BSN: variants seen among roughly 807,000 people sequenced by gnomAD.
BSN encodes protein bassoon.
In BSN, 57 loss-of-function variants were observed where a neutral mutation model predicts 264.8. The ratio of observed to expected loss-of-function variants is 0.22; its 90% confidence interval spans 0.17 to 0.27. BSN has a LOEUF of 0.27. Ranked by LOEUF, BSN falls within the 10% of genes least tolerant of loss-of-function variation. The pLI, the probability that BSN is intolerant of heterozygous loss-of-function variation, is 1.00. For missense variants in BSN, 4,615 were observed against 5,232.5 expected (o/e 0.88, Z 3.64); for synonymous variants, 2,059 against 2,137.3 (o/e 0.96, Z 1.01).
intron 1 of BSN, among the ~76,000 whole-genome samples, chr3:49,574,775 C>T (rs761315568): frequency 1.3e-5 from 2 of 151,606 alleles, no homozygotes; most frequent in Non-Finnish European, 2.9e-5. Context: ...GGACTACAGG[C>T]GTGTGCCACC....
intron 10 of BSN, 29 bp downstream of exon 10, chr3:49,664,882 C>A: frequency 1.5e-6 from 2 of 1,329,136 alleles, no homozygotes; most frequent in Non-Finnish European, 2.1e-6. Context: ...TACCTTGCCT[C>A]TTCTGGGAAA....
chr3:49,612,139 A>ATTT (rs10623266), intron 1 of BSN, among the ~76,000 whole-genome samples: 12,594 of 148,388 alleles, frequency 0.085, 786 homozygotes, highest in Non-Finnish European at 0.13. Context: ...ACAAAGAATG[A>ATTT]TTTTTTTTTT....
At chr3:49,650,571 C>A in intron 3 of BSN, 41 bp from the exon 4 acceptor site, 1 of 1,535,912 alleles carries the variant, frequency 6.5e-7, no homozygotes, top group Non-Finnish European at 8.8e-7. Flanking sequence ...ACTTCAGTGT[C>A]TTTTTAATTT....
At chr3:49,618,405 C>G (rs2052277914) in intron 1 of BSN, among the ~76,000 whole-genome samples, 1 of 152,212 alleles carries the variant, frequency 6.6e-6, no homozygotes, top group African/African-American at 2.4e-5. Context: ...TCTTGCCACA[C>G]AGACTATCTC....
At chr3:49,610,936 T>C (rs146090427) in intron 1 of BSN, among the ~76,000 whole-genome samples, 1 of 152,290 alleles carries the variant, frequency 6.6e-6, no homozygotes, top group Non-Finnish European at 1.5e-5. Flanking sequence ...GGCCTGTATC[T>C]CTCTTCCTGT....
chr3:49,621,871 C>T (rs1231587968), intron 1 of BSN, among the ~76,000 whole-genome samples: 1 of 152,062 alleles, frequency 6.6e-6, no homozygotes, highest in Admixed American at 6.5e-5. Flanking sequence ...GGCAACCTGG[C>T]AAGTCACCTT....
At chr3:49,565,296 C>G (rs1457996515) in intron 1 of BSN, among the ~76,000 whole-genome samples, 30 of 144,902 alleles carry the variant, frequency 2.1e-4, no homozygotes, top group Non-Finnish European at 4.2e-4. Flanking sequence ...CAGGCACCCA[C>G]CCACCACGCC....
intron 1 of BSN, among the ~76,000 whole-genome samples, chr3:49,578,410 G>GTT (rs35070088): frequency 0.1 from 15,362 of 149,278 alleles, 1,089 homozygotes; most frequent in South Asian, 0.14. Flanking sequence ...CAAAGCTACA[G>GTT]TTTTTTTTTT....
Position 49,656,160 on chromosome 3 carries a change from A to G in BSN, c.6604A>G (p.Ile2202Val). ...GMIYSTINTP[I>V]AATLPITTQP... ...GATCTACTCGACTATCAATACCCCA[A>G]TTGCTGCAACACTGCCCATCACCAC... The change falls in exon 5 of 12, where the codon ATT becomes GTT. Residue 2202 changes from isoleucine to valine, a missense_variant. Physicochemically the swap from Ile to Val is conservative, Grantham distance 29. This residue lies in a region of BSN where 3,415 missense variants were observed against 3,866.4 expected (regional missense o/e 0.88). Transcript: ENST00000296452. 1 of 1,612,972 alleles carries G rather than the reference A, an allele frequency of 6.2e-7. No individual in the cohort carries two copies. The highest frequency in any genetic ancestry group is 8.5e-7 in the Non-Finnish European group (1 of 1,179,920).
intron 1 of BSN, among the ~76,000 whole-genome samples, chr3:49,568,291 C>T (rs901230331): frequency 1.3e-5 from 2 of 152,068 alleles, no homozygotes; most frequent in African/African-American, 2.4e-5. Flanking sequence ...GAACAGAAAT[C>T]GATGGAAAGT....
intron 1 of BSN, among the ~76,000 whole-genome samples, chr3:49,617,301 AT>A (rs1416015042): frequency 4.4e-5 from 6 of 135,242 alleles, no homozygotes; most frequent in Admixed American, 1.5e-4. Context: ...ATATATATAT[AT>A]ATATATATAT....
chr3:49,662,219 C>A lies in BSN; in HGVS notation c.10374C>A (p.Asp3458Glu), dbSNP rs747314177. The A allele has an allele frequency of 6.2e-7, 1 of 1,613,682 alleles. No homozygotes were observed. Among genetic ancestry groups the A allele is most frequent in the Non-Finnish European group, 8.5e-7 (1 of 1,179,926 alleles). The change falls in exon 6 of 12, where the codon GAC becomes GAA. Residue 3458 changes from aspartate to glutamate, a missense_variant. By Grantham distance (45) the Asp-to-Glu change is conservative. Transcript: ENST00000296452. ...GTGGGGAGAAGCTGTCCAGCCACGA[C>A]TTCAGTGGCTGGGGCAAGGGGTACG... ...AYSGEKLSSH[D>E]FSGWGKGYER...
intron 1 of BSN, among the ~76,000 whole-genome samples, chr3:49,604,039 CTTGTT>C (rs891746163): frequency 1.3e-5 from 2 of 151,890 alleles, no homozygotes; most frequent in African/African-American, 2.4e-5. Flanking sequence ...TTTGTTTTAT[CTTGTT>C]TTGTTTTATT....
chr3:49,621,919 C>G (rs1362704439), intron 1 of BSN, among the ~76,000 whole-genome samples: 1 of 152,050 alleles, frequency 6.6e-6, no homozygotes, highest in African/African-American at 2.4e-5. Context: ...AGGAGTTTTG[C>G]TGTAAAGAAG....
At chr3:49,560,564 T>C (rs1017629209) in intron 1 of BSN, among the ~76,000 whole-genome samples, 2 of 152,216 alleles carry the variant, frequency 1.3e-5, no homozygotes, top group Non-Finnish European at 2.9e-5. Context: ...CTTTAGGACA[T>C]GAGGCCCTCT....
intron 1 of BSN, among the ~76,000 whole-genome samples, chr3:49,616,482 A>G (rs2052259899): frequency 6.6e-6 from 1 of 152,208 alleles, no homozygotes; most frequent in Admixed American, 6.5e-5. Flanking sequence ...GGCCACTCTG[A>G]CTTAGAGAAA....
intron 1 of BSN, among the ~76,000 whole-genome samples, chr3:49,605,625 AATATATATTAC>A (rs2052123272): frequency 2.9e-5 from 1 of 33,948 alleles, no homozygotes; most frequent in Non-Finnish European, 4.7e-5. Flanking sequence ...ATATAAATAT[AATATATATTAC>A]ATATATGTAA....
chr3:49,605,293 TTTATATA>T (rs1434727224), intron 1 of BSN, among the ~76,000 whole-genome samples: 1 of 101,272 alleles, frequency 9.9e-6, no homozygotes, highest in South Asian at 2.5e-4. Flanking sequence ...ACATATATAT[TTTATATA>T]TTATATATTA....
In BSN at chr3:49,662,328, C is replaced by T; in HGVS notation, c.10483C>T (p.Pro3495Ser). ...AAGTATGGCCCACAGCCGGGTACGA[C>T]CCCCCATGCGGAGCCAGGCCTCTGA... ...SLSMAHSRVR[P>S]PMRSQASEEE... is the part of the protein sequence containing the mutation. The change falls in exon 6 of 12, where the codon CCC becomes TCC. Residue 3495 changes from proline (P) to serine (S), a missense_variant. By Grantham distance (74) the Pro-to-Ser change is moderately conservative. Coordinates refer to ENST00000296452, the MANE Select transcript of BSN (RefSeq NM_003458.4). 2 of 1,613,606 alleles carry T rather than the reference C, an allele frequency of 1.2e-6. No homozygotes were observed. The highest frequency in any genetic ancestry group is 1.7e-6 in the Non-Finnish European group (2 of 1,179,806).
Sources: allele counts gnomAD v4.1 joint callset (sites outside exome capture counted in the v4.1 genomes callset), GRCh38; gene constraint gnomAD v4.1.1; regional missense constraint gnomAD v4.1.1; transcripts MANE v1.5; gene names NCBI Gene and HGNC (gene_info 2026-07-23, HGNC 2026-07-21).